Variants in LMTK2 observed in about 807,000 individuals in gnomAD.
LMTK2 encodes the protein serine/threonine-protein kinase LMTK2.
LMTK2 carries 37 observed loss-of-function variants against 127.5 expected under a neutral mutation model. That is an observed-to-expected ratio of 0.29 (90% CI 0.22 to 0.38). The LOEUF (loss-of-function observed/expected upper bound fraction) is 0.38. Among genes scored for constraint, LMTK2 ranks in the 10% least tolerant of loss-of-function variants. The pLI, the probability that LMTK2 is intolerant of heterozygous loss-of-function variation, is 1.00. For synonymous variants in LMTK2, 819 were observed against 810.1 expected (o/e 1.01, Z -0.19); for missense variants, 1,694 against 1,920.3 (o/e 0.88, Z 2.20).
At chr7:98,203,479 G>A (rs912540774) in intron 11 of LMTK2, 95 bp from the exon 12 acceptor site, 42 of 1,444,094 alleles carry the variant, frequency 2.9e-5, no homozygotes, top group East Asian at 2.4e-4. Context: ...CTTCTCAGTC[G>A]ATGAGTCTGA....
chr7:98,156,404 G>C (rs538443759), intron 5 of LMTK2, among the ~76,000 whole-genome samples: 6 of 151,990 alleles, frequency 3.9e-5, no homozygotes, highest in South Asian at 4.2e-4. Flanking sequence ...GGTGGAGCTT[G>C]CAGTGAGCCG....
At chr7:98,150,901 GT>G (rs1170712365) in intron 3 of LMTK2, among the ~76,000 whole-genome samples, 1 of 152,184 alleles carries the variant, frequency 6.6e-6, no homozygotes, top group Admixed American at 6.5e-5. Context: ...TAATGGAGAT[GT>G]TCCGTATTTT....
chr7:98,107,803 A>G lies in LMTK2; in HGVS notation c.103+523A>G, dbSNP rs1796136454. 3.3e-5 allele frequency among the ~76,000 whole-genome samples: 5 copies of G among 152,188 alleles called. No homozygotes were observed. In the South Asian group the frequency reaches 8.3e-4, roughly 25 times the overall value. ...GAATGTATCTCCGGGGATGAGAAGGAAACAACTATAAATATTTCTATTTTA... is the reference window on the plus strand; with the variant it reads ...GAATGTATCTCCGGGGATGAGAAGGGAACAACTATAAATATTTCTATTTTA... On this transcript the variant is annotated intron_variant, in intron 1 of 13. Coordinates refer to ENST00000297293, the MANE Select transcript of LMTK2 (RefSeq NM_014916.4).
chr7:98,111,427 G>A (rs1231035618), intron 1 of LMTK2, among the ~76,000 whole-genome samples: 2 of 152,188 alleles, frequency 1.3e-5, no homozygotes, highest in Non-Finnish European at 2.9e-5. Flanking sequence ...TTTTCGTTTA[G>A]TTGAGAGTAA....
intron 11 of LMTK2, 96 bp from the exon 12 acceptor site, chr7:98,203,478 C>A: frequency 2.1e-6 from 3 of 1,440,978 alleles, no homozygotes; most frequent in South Asian, 1.5e-5. Context: ...ACTTCTCAGT[C>A]GATGAGTCTG....
At chr7:98,198,479 G>A (rs1041934845) in intron 11 of LMTK2, among the ~76,000 whole-genome samples, 2 of 152,084 alleles carry the variant, frequency 1.3e-5, no homozygotes, top group Non-Finnish European at 1.5e-5. Flanking sequence ...CTGAGCTACC[G>A]CGCCTGGCCT....
At chr7:98,164,858 A>G (rs1448500618) in intron 6 of LMTK2, among the ~76,000 whole-genome samples, 1 of 152,192 alleles carries the variant, frequency 6.6e-6, no homozygotes, top group Non-Finnish European at 1.5e-5. Context: ...ATTGGTCAGC[A>G]ATTTCTTCAG....
Position 98,159,367 on chromosome 7 carries a change from G to A in LMTK2, c.599G>A (p.Cys200Tyr). The stretch of plus-strand genomic sequence containing the variant: ...CTTCAGCATCCAAATATTCTTCAGT[G>A]TGTTGGACAGTGCGTAGAAGCGATT... ...YILQHPNILQCVGQCVEAIPY... is the reference protein window; with the variant it reads ...YILQHPNILQYVGQCVEAIPY... The change falls in exon 6 of 14, where the codon TGT becomes TAT. Residue 200 changes from cysteine to tyrosine, a missense_variant. Cys to Tyr is a radical substitution (Grantham distance 194, BLOSUM62 -2). Around this residue, in one of 8 missense-constraint regions of LMTK2, gnomAD observed 203 missense variants for 226.2 expected, o/e 0.90. Coordinates refer to ENST00000297293, the MANE Select transcript of LMTK2 (RefSeq NM_014916.4). 6.2e-7 allele frequency: 1 copy of A among 1,611,330 alleles called. No individual in the cohort carries two copies. Among genetic ancestry groups the A allele is most frequent in the Non-Finnish European group, 8.5e-7 (1 of 1,179,154 alleles).
At chr7:98,176,379 C>T (rs1640514039) in intron 7 of LMTK2, among the ~76,000 whole-genome samples, 1 of 152,154 alleles carries the variant, frequency 6.6e-6, no homozygotes, top group Non-Finnish European at 1.5e-5. Flanking sequence ...CATGCTATTG[C>T]TAAATGGCAA....
chr7:98,148,148 G>C (rs1796798458), intron 3 of LMTK2, among the ~76,000 whole-genome samples: 1 of 151,544 alleles, frequency 6.6e-6, no homozygotes, highest in Admixed American at 6.6e-5. Context: ...GTGCGGGATT[G>C]CACTGTTGCA....
At chr7:98,128,281 A>G (rs1796472052) in intron 1 of LMTK2, among the ~76,000 whole-genome samples, 1 of 152,214 alleles carries the variant, frequency 6.6e-6, no homozygotes, top group Admixed American at 6.5e-5. Context: ...TAAACAGGTG[A>G]GTCCTGAGGG....
At chr7:98,172,330 A>C (rs1338192315) in intron 7 of LMTK2, among the ~76,000 whole-genome samples, 1 of 121,854 alleles carries the variant, frequency 8.2e-6, no homozygotes, top group Non-Finnish European at 1.6e-5. Flanking sequence ...TTTGAGACGG[A>C]GTCTTGCTCT....
intron 1 of LMTK2, among the ~76,000 whole-genome samples, chr7:98,121,471 CA>C (rs68164720): frequency 0.13 from 18,814 of 143,010 alleles, 1,191 homozygotes; most frequent in East Asian, 0.19. Flanking sequence ...TACTAAAATA[CA>C]AAAAAAAAAA....
At chr7:98,134,735 G>A (rs1796575358) in intron 1 of LMTK2, among the ~76,000 whole-genome samples, 1 of 152,024 alleles carries the variant, frequency 6.6e-6, no homozygotes, top group Non-Finnish European at 1.5e-5. Flanking sequence ...CTCACTGCAA[G>A]GAGGAAGAGA....
intron 1 of LMTK2, among the ~76,000 whole-genome samples, chr7:98,134,430 A>T (rs1029429560): frequency 5.3e-5 from 8 of 152,206 alleles, no homozygotes; most frequent in Non-Finnish European, 1.2e-4. Flanking sequence ...ACAATCAATA[A>T]AAAACAGTGT....
rs1247767951 is a variant in LMTK2, at chr7:98,106,940, G to C, written c.-238G>C. ...GCTCCGCAGGGCTGCTGGCGTTGCTGCTGTTGAGAGGCGGCGGCGGCGGCG... is the reference window on the plus strand; with the variant it reads ...GCTCCGCAGGGCTGCTGGCGTTGCTCCTGTTGAGAGGCGGCGGCGGCGGCG... On this transcript the variant is annotated 5_prime_UTR_variant, in exon 1 of 14. Transcript: ENST00000297293. 4 of 467,904 alleles carry C rather than the reference G, an allele frequency of 8.5e-6. No homozygotes were observed. The highest frequency in any genetic ancestry group is 1.5e-5 in the Non-Finnish European group (4 of 264,434). The allele number at this position is 467,904 out of a possible 1,614,324, so 29.0% of individuals were successfully genotyped here.
At chr7:98,190,300 G>C (rs568725245) in intron 9 of LMTK2, among the ~76,000 whole-genome samples, 1 of 152,322 alleles carries the variant, frequency 6.6e-6, no homozygotes, top group South Asian at 2.1e-4. Flanking sequence ...GAACAATCTT[G>C]GCTGGTTGTG....
intron 7 of LMTK2, 109 bp from the exon 8 acceptor site, chr7:98,184,942 C>T (rs2116448542): frequency 1.3e-6 from 1 of 746,090 alleles, no homozygotes; most frequent in African/African-American, 1.7e-5. Context: ...GCAGAGAGCT[C>T]AATATACTTA....
chr7:98,145,709 A>G (rs931716329), intron 3 of LMTK2, among the ~76,000 whole-genome samples: 8 of 152,180 alleles, frequency 5.3e-5, no homozygotes, highest in Non-Finnish European at 8.8e-5. Context: ...CTTAATCATA[A>G]TCATGTCATA....
Sources: gnomAD v4.1 joint callset for allele counts (sites outside exome capture counted in the v4.1 genomes callset) on GRCh38, gnomAD v4.1.1 for gene constraint, gnomAD v4.1.1 regional missense constraint, MANE v1.5 for transcripts, NCBI Gene and HGNC (gene_info 2026-07-23, HGNC 2026-07-21) for gene names.